Variants in COA7 observed in about 807,000 individuals in gnomAD.
COA7 encodes Sel1 repeat containing 1.
In COA7, 12 loss-of-function variants were observed where a neutral mutation model predicts 21.0. The ratio of observed to expected loss-of-function variants is 0.57; its 90% CI spans 0.37 to 0.92. The LOEUF (loss-of-function observed/expected upper bound fraction) is 0.92. Ranked by LOEUF, COA7 falls within the 40% of genes least tolerant of loss-of-function variation. COA7 has a pLI of 0.01. For missense variants in COA7, 240 were observed against 286.1 expected (o/e 0.84, Z 1.16); for synonymous variants, 95 against 107.4 (o/e 0.88, Z 0.72).
intron 1 of COA7, among the ~76,000 whole-genome samples, chr1:52,696,468 G>A (rs1487219262): frequency 6.6e-6 from 1 of 150,670 alleles, no homozygotes; most frequent in Non-Finnish European, 1.5e-5. Context: ...CACTGTGCCC[G>A]GCCCAACCCC....
At chr1:52,689,971 G>A (rs1271469148) in intron 2 of COA7, among the ~76,000 whole-genome samples, 1 of 149,238 alleles carries the variant, frequency 6.7e-6, no homozygotes, top group Non-Finnish European at 1.5e-5. Context: ...AGCTTGCAGT[G>A]AGCAGAGATC....
intron 1 of COA7, among the ~76,000 whole-genome samples, chr1:52,694,151 C>T (rs1644067198): frequency 6.6e-6 from 1 of 152,046 alleles, no homozygotes; most frequent in Non-Finnish European, 1.5e-5. Flanking sequence ...AATTACCTAA[C>T]AGGTACAAGT....
Position 52,684,688 on chromosome 1 carries a change from G to C in COA7, c.*3032C>G, listed in dbSNP as rs1210390871. On this transcript the variant is annotated 3_prime_UTR_variant, in exon 3 of 3. Transcript: ENST00000371538. Reference sequence around the variant, plus strand: ...CTCTTGGTGTTGTACATTTTAGGGGGTTGGACATATGTACAATGACAGGTA... The same window carrying C: ...CTCTTGGTGTTGTACATTTTAGGGGCTTGGACATATGTACAATGACAGGTA... 3 of 152,090 alleles carry C rather than the reference G, an allele frequency of 2.0e-5. No homozygotes were observed. The highest frequency in any genetic ancestry group is 1.9e-4 in the East Asian group (1 of 5,196). The allele number at this position is 152,090 out of a possible 1,614,324, so 9.4% of individuals were successfully genotyped here. A position where few individuals can be genotyped will look rare whatever the true frequency, so the allele number is the denominator to read the frequency against.
chr1:52,696,335 G>A (rs1456991753), intron 1 of COA7, among the ~76,000 whole-genome samples: 7 of 152,064 alleles, frequency 4.6e-5, no homozygotes, highest in African/African-American at 1.2e-4. Context: ...CACCACGTCC[G>A]GCTAATTTTT....
At chr1:52,691,294 G>T in intron 2 of COA7, among the ~76,000 whole-genome samples, 1 of 151,792 alleles carries the variant, frequency 6.6e-6, no homozygotes, top group Admixed American at 6.6e-5. Context: ...CGTGCCTATA[G>T]TTCCAGCCAC....
chr1:52,697,924 C>A, intron 1 of COA7: 1 of 363,726 alleles, frequency 2.7e-6, no homozygotes, highest in Non-Finnish European at 5.0e-6. Context: ...GCTTATTGCC[C>A]GACTCCCCGC....
Position 52,684,622 on chromosome 1 carries a change from C to T in COA7, c.*3098G>A, listed in dbSNP as rs1161151919. 1 of 152,176 alleles carries T rather than the reference C, an allele frequency of 6.6e-6. No homozygotes were observed. The highest frequency in any genetic ancestry group is 1.5e-5 in the Non-Finnish European group (1 of 68,050). 9.4% of individuals were successfully genotyped at this position (152,176 alleles called of 1,614,324 possible). A position where few individuals can be genotyped will look rare whatever the true frequency, so the allele number is the denominator to read the frequency against. The stretch of plus-strand genomic sequence containing the variant: ...AGTAATTGATGAACCTACACTGACA[C>T]ATCATTATCACTCAAAGTCCACAGT... On this transcript the variant is annotated 3_prime_UTR_variant, in exon 3 of 3. Transcript: ENST00000371538.
intron 2 of COA7, among the ~76,000 whole-genome samples, chr1:52,691,258 T>C (rs112544845): frequency 1.5e-3 from 230 of 151,694 alleles, no homozygotes; most frequent in African/African-American, 5.3e-3. Context: ...CTACAAAAAA[T>C]AAAAAATTAG....
At chr1:52,694,108 T>C (rs893915888) in intron 1 of COA7, among the ~76,000 whole-genome samples, 4 of 152,100 alleles carry the variant, frequency 2.6e-5, no homozygotes, top group African/African-American at 4.8e-5. Flanking sequence ...ACACTGGAGA[T>C]TGGGAAGGGT....
In COA7 at chr1:52,687,559, C is replaced by T. The variant is rs971816805; in HGVS notation, c.*161G>A. ...ACTGAAATAAACATTGTAGGCTATA[C>T]TCCAGTAGCTGGGGCAATGGATCCA... is the stretch of plus-strand genomic sequence containing the variant. On this transcript the variant is annotated 3_prime_UTR_variant, in exon 3 of 3. Transcript: ENST00000371538. The T allele has an allele frequency of 3.1e-6, 2 of 641,142 alleles. No homozygotes were observed. The highest frequency in any genetic ancestry group is 2.7e-5 in the East Asian group (1 of 36,672). 39.7% of individuals were successfully genotyped at this position (641,142 alleles called of 1,614,324 possible).
At position 52,687,940 on chromosome 1, in the gene COA7, T is replaced by A; in HGVS notation, c.476A>T (p.Gln159Leu). The A allele has an allele frequency of 6.2e-7, 1 of 1,614,222 alleles. No homozygotes were observed. Among genetic ancestry groups the A allele is most frequent in the Non-Finnish European group, 8.5e-7 (1 of 1,180,040 alleles). ...SCFNLSAMFL[Q>L]GAPGFPKDMD... is the part of the protein sequence containing the mutation. ...GTCCTTGGGAAAGCCTGGGGCACCC[T>A]GCAGGAACATGGCACTGAGGTTGAA... The change falls in exon 3 of 3, where the codon CAG (glutamine) becomes CTG (leucine). Residue 159 changes from glutamine to leucine, a missense_variant. Around this residue, in one of 3 missense-constraint regions of COA7, gnomAD observed 163 missense variants for 214.1 expected, o/e 0.76. Coordinates refer to ENST00000371538, the MANE Select transcript of COA7 (RefSeq NM_023077.3).
rs1039876235 is a variant in COA7, at chr1:52,687,487, T to C, written c.*233A>G. On this transcript the variant is annotated 3_prime_UTR_variant, in exon 3 of 3. Transcript: ENST00000371538. The stretch of plus-strand genomic sequence containing the variant: ...CACAGAACATCCAGATGAAGGAATA[T>C]TGACTGTAATAAACATTGTACAGAA... 16 of 540,020 alleles carry C rather than the reference T, an allele frequency of 3.0e-5. No homozygotes were observed. The highest frequency in any genetic ancestry group is 2.3e-4 in the African/African-American group (12 of 53,148). 33.5% of individuals were successfully genotyped at this position (540,020 alleles called of 1,614,324 possible). A position where few individuals can be genotyped will look rare whatever the true frequency, so the allele number is the denominator to read the frequency against.
At chr1:52,697,953 C>A (rs112268669) in intron 1 of COA7, 10,267 of 439,936 alleles carry the variant, frequency 0.023, 928 homozygotes, top group African/African-American at 0.19. Flanking sequence ...GGAAGCTCCA[C>A]GAGGGCAGGG....
intron 2 of COA7, among the ~76,000 whole-genome samples, 181 bp from the exon 3 acceptor site, chr1:52,688,349 T>A (rs533703210): frequency 2.6e-4 from 39 of 152,038 alleles, no homozygotes; most frequent in African/African-American, 8.7e-4. Context: ...TAAAGCAATC[T>A]TCCCATCTCA....
In COA7 at chr1:52,691,217, ACC is replaced by A. The variant is rs552554612; in HGVS notation, c.247+1508_247+1509del. Among the ~76,000 whole-genome samples, 184 of 152,110 alleles carry A rather than the reference ACC, an allele frequency of 1.2e-3. 1 individual carries two copies. The highest frequency in any genetic ancestry group is 4.2e-3 in the African/African-American group (175 of 41,496). The stretch of plus-strand genomic sequence containing the variant: ...GATTGCTTGAGGCCAGGAGTTTGAG[ACC>A]AGCCTGACAACATAGTGAGATCCTG... On this transcript the variant is annotated intron_variant, in intron 2 of 2. Coordinates refer to ENST00000371538, the MANE Select transcript of COA7 (RefSeq NM_023077.3).
rs756336443 is a variant in COA7 at position 52,687,470 on chromosome 1, A to G, written c.*250T>C. ...ATAAACATGGCTATCTTCACAGAAC[A>G]TCCAGATGAAGGAATATTGACTGTA... On this transcript the variant is annotated 3_prime_UTR_variant, in exon 3 of 3. Coordinates refer to ENST00000371538, the MANE Select transcript of COA7 (RefSeq NM_023077.3). The G allele has an allele frequency of 7.8e-5, 39 of 498,066 alleles. No homozygotes were observed. The highest frequency in any genetic ancestry group is 1.2e-4 in the Non-Finnish European group (34 of 279,878). The allele number at this position is 498,066 out of a possible 1,614,324, so 30.9% of individuals were successfully genotyped here. A position where few individuals can be genotyped will look rare whatever the true frequency, so the allele number is the denominator to read the frequency against.
chr1:52,689,401 GC>G lies in COA7; in HGVS notation c.248-1234del, dbSNP rs983155616. On this transcript the variant is annotated intron_variant, in intron 2 of 2. Transcript: ENST00000371538. ...GAACTCCTGACCTCATGATCCGCCC[GC>G]CTCAGCCTCCCAAAATGCTGGGATT... Among the ~76,000 whole-genome samples, 70 of 151,322 alleles carry G rather than the reference GC, an allele frequency of 4.6e-4. 1 individual carries two copies. The highest frequency in any genetic ancestry group is 1.7e-3 in the African/African-American group (69 of 41,266).
intron 1 of COA7, among the ~76,000 whole-genome samples, chr1:52,697,219 G>A (rs1253648008): frequency 6.6e-6 from 1 of 152,098 alleles, no homozygotes; most frequent in Non-Finnish European, 1.5e-5. Flanking sequence ...ACAACGTAGT[G>A]ACATACTATC....
At chr1:52,690,594 T>C (rs1644038131) in intron 2 of COA7, among the ~76,000 whole-genome samples, 1 of 152,150 alleles carries the variant, frequency 6.6e-6, no homozygotes, top group Admixed American at 6.6e-5. Context: ...ATTTCCTAAA[T>C]GAGCCACTAG....
Sources: allele counts gnomAD v4.1 joint callset (sites outside exome capture counted in the v4.1 genomes callset), GRCh38; gene constraint gnomAD v4.1.1; regional missense constraint gnomAD v4.1.1; transcripts MANE v1.5; gene names NCBI Gene and HGNC (gene_info 2026-07-23, HGNC 2026-07-21).